Variants in ZNF654 observed in about 807,000 individuals in gnomAD.
The protein encoded by ZNF654 is melanoma-associated antigen.
A neutral mutation model predicts 95.3 loss-of-function variants in ZNF654; 19 were observed. The observed-to-expected ratio is 0.20, with a 90% confidence interval of 0.14 to 0.29. ZNF654 has a LOEUF of 0.29. ZNF654 is among the 10% of genes least tolerant of loss of function. The pLI is 1.00. For synonymous variants in ZNF654, 413 were observed against 457.9 expected, an observed-to-expected ratio of 0.90 and a Z score of 1.25; for missense variants, 1,046 against 1,341.0, an observed-to-expected ratio of 0.78 and a Z score of 3.44.
At chr3:88,129,207 A>G (rs1483604399) in intron 5 of ZNF654, among the ~76,000 whole-genome samples, 196 bp downstream of exon 5, 1 of 151,956 alleles carries the variant, frequency 6.6e-6, no homozygotes, top group Non-Finnish European at 1.5e-5. Flanking sequence ...TCTGATATTA[A>G]CAAATGATGA....
intron 3 of ZNF654, among the ~76,000 whole-genome samples, chr3:88,123,024 AAAGT>A (rs1292849682): frequency 6.6e-6 from 1 of 151,658 alleles, no homozygotes; most frequent in African/African-American, 2.4e-5. Flanking sequence ...AAAAAAAAAA[AAAGT>A]AAAAAGAAAA....
chr3:88,081,442 T>A (rs6765557), intron 1 of ZNF654, among the ~76,000 whole-genome samples: 63,596 of 152,068 alleles, frequency 0.42, 15,201 homozygotes, highest in South Asian at 0.61. Flanking sequence ...ATGGATGTTG[T>A]CTGCAACATT....
chr3:88,059,654 T>A, intron 1 of ZNF654, 149 bp downstream of exon 1: 35 of 541,266 alleles, frequency 6.5e-5, no homozygotes, highest in Middle Eastern at 4.9e-4. Flanking sequence ...CCTCCACTTA[T>A]CCGGCTTGGG....
chr3:88,142,786 T>G lies in ZNF654; in HGVS notation c.*1134T>G, dbSNP rs1449063839. The stretch of plus-strand genomic sequence containing the variant: ...TAATTTTTATATGTAAAAGGAAGTA[T>G]TTACACAAAACATTTGCACAAGAAC... On this transcript the variant is annotated 3_prime_UTR_variant, in exon 9 of 9. Coordinates refer to ENST00000636215, the MANE Select transcript of ZNF654 (RefSeq NM_001350134.2). 1 of 152,286 alleles carries G rather than the reference T, an allele frequency of 6.6e-6. No individual in the cohort carries two copies. The highest frequency in any genetic ancestry group is 2.4e-5 in the African/African-American group (1 of 41,420). 9.4% of individuals were successfully genotyped at this position (152,286 alleles called of 1,614,324 possible). A position where few individuals can be genotyped will look rare whatever the true frequency, so the allele number is the denominator to read the frequency against.
intron 1 of ZNF654, 88 bp downstream of exon 1, chr3:88,059,593 A>C (rs1559681473): frequency 4.2e-6 from 6 of 1,414,778 alleles, no homozygotes; most frequent in Non-Finnish European, 5.5e-6. Flanking sequence ...AATCTGGTCT[A>C]TGTCCAGTGC....
chr3:88,118,434 T>G (rs1232235092), intron 3 of ZNF654, among the ~76,000 whole-genome samples: 4 of 152,112 alleles, frequency 2.6e-5, no homozygotes, highest in African/African-American at 9.7e-5. Context: ...AAGCCCACCC[T>G]CCTTTGTGGG....
intron 3 of ZNF654, among the ~76,000 whole-genome samples, chr3:88,121,051 T>G (rs557256787): frequency 2.0e-5 from 3 of 152,194 alleles, no homozygotes; most frequent in Non-Finnish European, 4.4e-5. Flanking sequence ...TGTATACCTA[T>G]GTAACAAACC....
intron 1 of ZNF654, among the ~76,000 whole-genome samples, chr3:88,077,827 C>A (rs2107636484): frequency 6.6e-6 from 1 of 152,248 alleles, no homozygotes; most frequent in Non-Finnish European, 1.5e-5. Context: ...TAATGGAAAT[C>A]ATTTCTCAAA....
intron 1 of ZNF654, among the ~76,000 whole-genome samples, chr3:88,084,452 T>C (rs2107655912): frequency 6.6e-6 from 1 of 152,340 alleles, no homozygotes; most frequent in South Asian, 2.1e-4. Flanking sequence ...CAGTGTTTTT[T>C]CTAACATTCC....
intron 1 of ZNF654, among the ~76,000 whole-genome samples, chr3:88,077,324 G>A (rs1707860808): frequency 6.6e-6 from 1 of 150,802 alleles, no homozygotes; most frequent in Non-Finnish European, 1.5e-5. Flanking sequence ...AAAAGTTGCA[G>A]ACTTAAATTG....
chr3:88,133,351 A>G (rs537932637), intron 6 of ZNF654, among the ~76,000 whole-genome samples: 4 of 152,300 alleles, frequency 2.6e-5, no homozygotes, highest in African/African-American at 9.6e-5. Flanking sequence ...TTGCCACTGC[A>G]TCCACTAAAC....
chr3:88,085,161 C>CT (rs1451658259), intron 1 of ZNF654, among the ~76,000 whole-genome samples: 2 of 152,164 alleles, frequency 1.3e-5, no homozygotes, highest in Non-Finnish European at 2.9e-5. Context: ...CTTTTGGGCT[C>CT]TGAGTGTTCT....
chr3:88,141,113 T>G, intron 8 of ZNF654, 65 bp downstream of exon 8: 1 of 1,507,798 alleles, frequency 6.6e-7, no homozygotes, highest in Non-Finnish European at 8.8e-7. Context: ...ATAAAACTAT[T>G]ATAGATCTTT....
At chr3:88,115,092 T>C (rs777710406) in intron 3 of ZNF654, among the ~76,000 whole-genome samples, 2 of 152,188 alleles carry the variant, frequency 1.3e-5, no homozygotes, top group African/African-American at 2.4e-5. Context: ...ACAGTCCTAC[T>C]CATATTTTAA....
At chr3:88,116,557 T>TAC (rs745598873) in intron 3 of ZNF654, among the ~76,000 whole-genome samples, 1 of 25,502 alleles carries the variant, frequency 3.9e-5, no homozygotes, top group African/African-American at 9.5e-5. Context: ...TACATACATA[T>TAC]ATATACACAC....
At chr3:88,132,883 G>A (rs1262495272) in intron 6 of ZNF654, among the ~76,000 whole-genome samples, 1 of 152,188 alleles carries the variant, frequency 6.6e-6, no homozygotes, top group African/African-American at 2.4e-5. Flanking sequence ...GTTTGCAAGT[G>A]ATAGCATCTG....
rs1351991456 is a variant in ZNF654, at chr3:88,142,155, G to C, written c.*503G>C. 6.6e-6 allele frequency: 1 copy of C among 152,442 alleles called. No individual in the cohort carries two copies. The highest frequency in any genetic ancestry group is 2.4e-5 in the African/African-American group (1 of 41,422). The allele number at this position is 152,442 out of a possible 1,614,324, so 9.4% of individuals were successfully genotyped here. ...AAACATGGTTTAAGGAACCGCTGCT[G>C]TTTGGTTTGTGATTGATTTAGAAAC... is the stretch of plus-strand genomic sequence containing the variant. On this transcript the variant is annotated 3_prime_UTR_variant, in exon 9 of 9. Coordinates refer to ENST00000636215, the MANE Select transcript of ZNF654 (RefSeq NM_001350134.2).
At chr3:88,079,412 TATA>T (rs919016537) in intron 1 of ZNF654, among the ~76,000 whole-genome samples, 1 of 152,118 alleles carries the variant, frequency 6.6e-6, no homozygotes, top group Admixed American at 6.5e-5. Flanking sequence ...ATAGCTGCCT[TATA>T]ATATTTGATG....
chr3:88,102,538 C>A (rs184724265), intron 2 of ZNF654, among the ~76,000 whole-genome samples: 275 of 152,268 alleles, frequency 1.8e-3, no homozygotes, highest in African/African-American at 6.4e-3. Flanking sequence ...CTTTACTTAA[C>A]ATGGTTAATC....
Sources: gnomAD v4.1 joint callset for allele counts (sites outside exome capture counted in the v4.1 genomes callset) on GRCh38, gnomAD v4.1.1 for gene constraint, MANE v1.5 for transcripts, NCBI Gene and HGNC (gene_info 2026-07-23, HGNC 2026-07-21) for gene names.